SYNE1: variants seen among roughly 807,000 people sequenced by gnomAD.
SYNE1 encodes the protein spectrin repeat containing nuclear envelope protein 1.
In SYNE1, 616 loss-of-function variants were observed where a neutral mutation model predicts 1,111.0. That is an observed-to-expected ratio of 0.55 (90% CI 0.52 to 0.59). The LOEUF is 0.59. Among genes scored for constraint, SYNE1 ranks in the 20% least tolerant of loss-of-function variants. The pLI, the probability that SYNE1 is intolerant of heterozygous loss-of-function variation, is 0.00. For synonymous variants in SYNE1, 3,855 were observed against 3,825.8 expected, an observed-to-expected ratio of 1.01 and a Z score of -0.28; for missense variants, 10,006 against 10,417.0, an observed-to-expected ratio of 0.96 and a Z score of 1.72.
rs1454583662 is a variant in SYNE1, at chr6:152,152,056, G to A, written c.24215C>T (p.Thr8072Ile). Residue 8072 changes from threonine to isoleucine, a missense_variant, in exon 134 of 146, where the codon ACT becomes ATT. This residue lies in a region of SYNE1 where 2,182 missense variants were observed against 2,287.8 expected (regional missense o/e 0.95). Transcript: ENST00000367255. Reference sequence around the variant, plus strand: ...CTGTTTGAGGCTACATGCTGAATCAGTGCGGTTCTCCCTGGCCAGGCGGCG... The same window carrying A: ...CTGTTTGAGGCTACATGCTGAATCAATGCGGTTCTCCCTGGCCAGGCGGCG... ...QYRRLARENR[T>I]DSACSLKQMV... 2 of 1,614,210 alleles carry A rather than the reference G, an allele frequency of 1.2e-6. No individual in the cohort carries two copies. Among genetic ancestry groups the A allele is most frequent in the South Asian group, 2.2e-5 (2 of 91,086 alleles).
chr6:152,214,996 C>T lies in SYNE1; in HGVS notation c.22256G>A (p.Arg7419Lys). The change falls in exon 122 of 146, where the codon AGG becomes AAG. Residue 7419 changes from arginine to lysine, a missense_variant. This residue lies in a region of SYNE1 where 2,182 missense variants were observed against 2,287.8 expected (regional missense o/e 0.95). Coordinates refer to ENST00000367255, the MANE Select transcript of SYNE1 (RefSeq NM_182961.4). ...GATTTCCTTATCATTCAAGGGTAAC[C>T]TATATCCAAGCTCATTTAGACGGTC... ...DLDRLNELGY[R>K]LPLNDKEIKR... 1 of 1,614,094 alleles carries T rather than the reference C, an allele frequency of 6.2e-7. No homozygotes were observed. Among genetic ancestry groups the T allele is most frequent in the East Asian group, 2.2e-5 (1 of 44,884 alleles).
intron 115 of SYNE1, among the ~76,000 whole-genome samples, chr6:152,227,287 G>A (rs1351961673): frequency 6.6e-6 from 1 of 152,018 alleles, no homozygotes; most frequent in African/African-American, 2.4e-5. Context: ...TATATTTTAA[G>A]CTGTCAAAAA....
intron 127 of SYNE1, among the ~76,000 whole-genome samples, chr6:152,197,385 A>G (rs1329518555): frequency 6.6e-6 from 1 of 152,252 alleles, no homozygotes; most frequent in Non-Finnish European, 1.5e-5. Flanking sequence ...TCTTACTGCC[A>G]TCTGCAATGA....
chr6:152,616,473 G>A (rs1405320731), intron 3 of SYNE1, among the ~76,000 whole-genome samples: 1 of 152,154 alleles, frequency 6.6e-6, no homozygotes, highest in African/African-American at 2.4e-5. Context: ...CTACTTGGGA[G>A]GCTGAGGTGG....
In SYNE1 at chr6:152,132,218, T is replaced by C. The variant is rs77220999; in HGVS notation, c.26002-4A>G. On this transcript the variant is annotated splice_region_variant and splice_polypyrimidine_tract_variant and intron_variant, in intron 143 of 145. Transcript: ENST00000367255. Reference sequence around the variant, plus strand: ...CAGAAGACCAGGAAGACAAATCCTATGTGGGAGAAAGATTCTTTTAACAAC... The same window carrying C: ...CAGAAGACCAGGAAGACAAATCCTACGTGGGAGAAAGATTCTTTTAACAAC... The C allele has an allele frequency of 4.8e-3, 7,733 of 1,613,944 alleles. 304 individuals are homozygous for C. The African/African-American group carries it at 0.088, about 18-fold the overall frequency.
At chr6:152,611,044 C>T (rs558135071) in intron 3 of SYNE1, among the ~76,000 whole-genome samples, 10 of 152,234 alleles carry the variant, frequency 6.6e-5, no homozygotes, top group African/African-American at 2.4e-4. Flanking sequence ...TAAAAACATG[C>T]CAAATTGTAA....
At chr6:152,216,106 T>G (rs1027790069) in intron 121 of SYNE1, among the ~76,000 whole-genome samples, 1 of 152,230 alleles carries the variant, frequency 6.6e-6, no homozygotes, top group African/African-American at 2.4e-5. Flanking sequence ...AGGCCACCTT[T>G]GGCTATGTGT....
chr6:152,584,389 G>A (rs954748806), intron 3 of SYNE1, among the ~76,000 whole-genome samples: 34 of 152,098 alleles, frequency 2.2e-4, no homozygotes, highest in Admixed American at 8.5e-4. Context: ...CATATTTAAT[G>A]TATTCCCCTT....
intron 58 of SYNE1, among the ~76,000 whole-genome samples, chr6:152,373,614 G>A (rs1207468360): frequency 6.6e-6 from 1 of 152,166 alleles, no homozygotes; most frequent in African/African-American, 2.4e-5. Context: ...AGAAAAGGAA[G>A]TAAGCTCTTT....
chr6:152,441,626 G>A (rs1373546296), intron 31 of SYNE1, among the ~76,000 whole-genome samples: 1 of 152,162 alleles, frequency 6.6e-6, no homozygotes, highest in Non-Finnish European at 1.5e-5. Context: ...GGTAGGGAGA[G>A]GGACAAGGAG....
intron 104 of SYNE1, among the ~76,000 whole-genome samples, chr6:152,254,568 C>T (rs530351833): frequency 5.3e-5 from 8 of 152,108 alleles, no homozygotes; most frequent in Non-Finnish European, 8.8e-5. Flanking sequence ...CATATTCTTT[C>T]GCAATGTGTT....
At chr6:152,170,944 C>A (rs2065051945) in intron 130 of SYNE1, among the ~76,000 whole-genome samples, 1 of 152,150 alleles carries the variant, frequency 6.6e-6, no homozygotes, top group African/African-American at 2.4e-5. Flanking sequence ...GCGAATAAAT[C>A]TCATGAGATC....
intron 34 of SYNE1, among the ~76,000 whole-genome samples, chr6:152,432,812 A>G (rs182482731): frequency 8.5e-4 from 130 of 152,316 alleles, no homozygotes; most frequent in African/African-American, 2.9e-3. Context: ...AAAATATTTA[A>G]TGAATATTCT....
intron 74 of SYNE1, among the ~76,000 whole-genome samples, chr6:152,343,503 A>G (rs1175290379): frequency 7.1e-6 from 1 of 139,998 alleles, no homozygotes; most frequent in African/African-American, 2.6e-5. Context: ...GTTTATTTTC[A>G]TTATTCTTTT....
At chr6:152,324,752 G>A (rs560786250) in intron 81 of SYNE1, among the ~76,000 whole-genome samples, 16 of 152,312 alleles carry the variant, frequency 1.1e-4, no homozygotes, top group African/African-American at 3.8e-4. Flanking sequence ...AGTGAGCCGA[G>A]ATGGCGCCAC....
chr6:152,333,228 C>T (rs1253678415), intron 77 of SYNE1, among the ~76,000 whole-genome samples: 6 of 151,838 alleles, frequency 4.0e-5, no homozygotes, highest in Non-Finnish European at 7.4e-5. Flanking sequence ...AAGAAGAAAG[C>T]TAAGAGGGGT....
intron 101 of SYNE1, among the ~76,000 whole-genome samples, chr6:152,260,367 T>C (rs1247860087): frequency 1.3e-5 from 2 of 152,130 alleles, no homozygotes; most frequent in Non-Finnish European, 2.9e-5. Flanking sequence ...TGAGGAAGGA[T>C]GAATTAAAAT....
chr6:152,413,824 A>G (rs1225272935), intron 41 of SYNE1, among the ~76,000 whole-genome samples: 1 of 152,114 alleles, frequency 6.6e-6, no homozygotes, highest in Non-Finnish European at 1.5e-5. Context: ...GAAGATTTTC[A>G]AAACTAAGGC....
chr6:152,309,765 C>A, intron 90 of SYNE1, 70 bp downstream of exon 90: 1 of 1,594,006 alleles, frequency 6.3e-7, no homozygotes, highest in Admixed American at 1.7e-5. Context: ...GCTGAGCCCA[C>A]ACAATGCTAA....
Sources: gnomAD v4.1 joint callset for allele counts (sites outside exome capture counted in the v4.1 genomes callset) on GRCh38, gnomAD v4.1.1 for gene constraint, gnomAD v4.1.1 regional missense constraint, MANE v1.5 for transcripts, NCBI Gene and HGNC (gene_info 2026-07-23, HGNC 2026-07-21) for gene names.